Variants in LRRC8C observed in about 807,000 individuals in gnomAD.
LRRC8C encodes the protein leucine rich repeat containing 8 VRAC subunit C.
LRRC8C carries 20 observed loss-of-function variants against 55.3 expected under a neutral mutation model. That is an observed-to-expected ratio of 0.36 (90% CI 0.25 to 0.53). LRRC8C has a LOEUF of 0.53. Among genes scored for constraint, LRRC8C ranks in the 20% least tolerant of loss-of-function variants. The pLI, the probability that LRRC8C is intolerant of heterozygous loss-of-function variation, is 0.92. For synonymous variants in LRRC8C, 376 were observed against 360.7 expected (o/e 1.04, Z -0.48); for missense variants, 659 against 951.4 (o/e 0.69, Z 4.04).
chr1:89,624,585 T>C, the LRRC8C span, among the ~76,000 whole-genome samples: 1 of 152,170 alleles, frequency 6.6e-6, no homozygotes, highest in Admixed American at 6.5e-5. Flanking sequence ...AGGCACTCTA[T>C]TATGACTGAT....
intron 1 of LRRC8C, among the ~76,000 whole-genome samples, chr1:89,651,659 T>C (rs1041516749): frequency 1.3e-5 from 2 of 151,920 alleles, no homozygotes; most frequent in Admixed American, 1.3e-4. Context: ...GGAAAAAGTT[T>C]ATGGATCCTT....
intron 1 of LRRC8C, among the ~76,000 whole-genome samples, chr1:89,652,127 C>G (rs1656807144): frequency 6.6e-6 from 1 of 152,150 alleles, no homozygotes; most frequent in African/African-American, 2.4e-5. Flanking sequence ...CTGTAGGAAT[C>G]TTTTGATGCC....
chr1:89,709,536 A>G (rs745909768), intron 2 of LRRC8C, among the ~76,000 whole-genome samples: 10 of 152,146 alleles, frequency 6.6e-5, no homozygotes, highest in Non-Finnish European at 1.2e-4. Flanking sequence ...CCTGTACAGC[A>G]GCCAAGTTCC....
chr1:89,703,804 AAGG>A (rs1424580755), intron 2 of LRRC8C, among the ~76,000 whole-genome samples: 1 of 152,062 alleles, frequency 6.6e-6, no homozygotes, highest in Non-Finnish European at 1.5e-5. Context: ...AGAAGGCAGG[AAGG>A]AGAAGGGAAA....
intron 1 of LRRC8C, among the ~76,000 whole-genome samples, chr1:89,652,348 AT>A (rs1656813337): frequency 6.6e-6 from 1 of 152,202 alleles, no homozygotes; most frequent in South Asian, 2.1e-4. Flanking sequence ...AGGTCTCTGA[AT>A]CTGAGGAGCA....
At chr1:89,676,170 A>G (rs538332193) in intron 1 of LRRC8C, 1 of 152,292 alleles carries the variant, frequency 6.6e-6, no homozygotes, top group South Asian at 2.1e-4. Context: ...ATTCCAAACC[A>G]TTATTTTGTT....
Position 89,646,554 on chromosome 1 carries a change from A to C in LRRC8C, c.-5+13232A>C, listed in dbSNP as rs1001331715. Among the ~76,000 whole-genome samples the C allele has an allele frequency of 3.3e-5, 5 of 152,156 alleles. No homozygotes were observed. In the South Asian group the frequency reaches 8.3e-4, roughly 25 times the overall value. On this transcript the variant is annotated intron_variant, in intron 1 of 2. Coordinates refer to ENST00000370454, the MANE Select transcript of LRRC8C (RefSeq NM_032270.5). The stretch of plus-strand genomic sequence containing the variant: ...TCTCCTTTATTATTTCAGTAGATGC[A>C]TTCAATATTTTCAGCATCTAGTAAT...
At position 89,717,646 on chromosome 1, in the gene LRRC8C, T is replaced by G. The variant is rs1433227793; in HGVS notation, c.*2664T>G. 1 of 152,188 alleles carries G rather than the reference T, an allele frequency of 6.6e-6. No individual in the cohort carries two copies. Among genetic ancestry groups the G allele is most frequent in the Non-Finnish European group, 1.5e-5 (1 of 68,022 alleles). 9.4% of individuals were successfully genotyped at this position (152,188 alleles called of 1,614,324 possible). A position where few individuals can be genotyped will look rare whatever the true frequency, so the allele number is the denominator to read the frequency against. On this transcript the variant is annotated 3_prime_UTR_variant, in exon 3 of 3. Coordinates refer to ENST00000370454, the MANE Select transcript of LRRC8C (RefSeq NM_032270.5). ...TTCTGACACTGGCCCCTTTTAATAT[T>G]GTAAGTTTTTGTTCACTTTCTTAAG...
intron 2 of LRRC8C, among the ~76,000 whole-genome samples, chr1:89,701,684 T>G (rs1158643214): frequency 6.6e-6 from 1 of 152,184 alleles, no homozygotes; most frequent in African/African-American, 2.4e-5. Flanking sequence ...CTCGACTAAT[T>G]TTTGTATTAT....
intron 1 of LRRC8C, among the ~76,000 whole-genome samples, chr1:89,666,818 A>C (rs1450007453): frequency 6.6e-6 from 1 of 152,156 alleles, no homozygotes; most frequent in African/African-American, 2.4e-5. Context: ...ATACTGTTCT[A>C]GGCTCTGGGA....
chr1:89,629,820 C>T (rs537108747), upstream of LRRC8C: 5 of 152,336 alleles, frequency 3.3e-5, no homozygotes, highest in East Asian at 9.7e-4. Context: ...AAGAGTTATA[C>T]TTGCCTAGAA....
chr1:89,676,669 T>C (rs1570716005), intron 1 of LRRC8C, among the ~76,000 whole-genome samples: 1 of 152,212 alleles, frequency 6.6e-6, no homozygotes, highest in South Asian at 2.1e-4. Flanking sequence ...TGTGCTACTT[T>C]CTTGAAGATA....
chr1:89,674,226 G>C (rs144015469), intron 1 of LRRC8C, among the ~76,000 whole-genome samples: 4 of 151,982 alleles, frequency 2.6e-5, no homozygotes, highest in African/African-American at 7.3e-5. Context: ...AATATTTTTC[G>C]TATAGATGTT....
intron 2 of LRRC8C, among the ~76,000 whole-genome samples, chr1:89,709,215 C>CTA (rs1283472424): frequency 6.6e-6 from 1 of 152,216 alleles, no homozygotes; most frequent in Non-Finnish European, 1.5e-5. Context: ...TGGAAGAACA[C>CTA]TAGGCTGGAA....
intron 1 of LRRC8C, among the ~76,000 whole-genome samples, chr1:89,685,337 G>A (rs941450787): frequency 4.1e-5 from 6 of 145,886 alleles, no homozygotes; most frequent in African/African-American, 5.2e-5. Context: ...GGATGGTCTT[G>A]ATCTCCTGAC....
intron 1 of LRRC8C, among the ~76,000 whole-genome samples, chr1:89,642,658 C>T (rs1656493799): frequency 6.6e-6 from 1 of 151,996 alleles, no homozygotes; most frequent in South Asian, 2.1e-4. Flanking sequence ...GACCAGCCTG[C>T]CCAAGATAGT....
chr1:89,700,235 A>G (rs908546893), intron 2 of LRRC8C, among the ~76,000 whole-genome samples: 4 of 152,092 alleles, frequency 2.6e-5, no homozygotes, highest in East Asian at 1.9e-4. Context: ...GCTCTAACCT[A>G]GTAGCTTCAA....
At chr1:89,675,391 C>A (rs1202615956) in intron 1 of LRRC8C, among the ~76,000 whole-genome samples, 2 of 152,204 alleles carry the variant, frequency 1.3e-5, no homozygotes, top group Non-Finnish European at 2.9e-5. Context: ...CTCCTTGCTG[C>A]CCTTCATCAG....
At chr1:89,689,275 T>C (rs888897951) in intron 2 of LRRC8C, among the ~76,000 whole-genome samples, 1 of 152,164 alleles carries the variant, frequency 6.6e-6, no homozygotes, top group African/African-American at 2.4e-5. Flanking sequence ...ATGAGGCCAG[T>C]GTGCCAGAAA....
Sources: gnomAD v4.1 joint callset for allele counts (sites outside exome capture counted in the v4.1 genomes callset) on GRCh38, gnomAD v4.1.1 for gene constraint, MANE v1.5 for transcripts, NCBI Gene and HGNC (gene_info 2026-07-23, HGNC 2026-07-21) for gene names.